MAF: variants seen among roughly 807,000 people sequenced by gnomAD.
The protein encoded by MAF is MAF bZIP transcription factor.
In MAF, 10 loss-of-function variants were observed where a neutral mutation model predicts 22.0. That is an observed-to-expected ratio of 0.45 (90% CI 0.28 to 0.77). The LOEUF is 0.77. MAF is among the 30% of genes least tolerant of loss of function. The pLI is 0.12. For missense variants in MAF, 544 were observed against 548.4 expected (o/e 0.99, Z 0.08); for synonymous variants, 337 against 255.8 (o/e 1.32, Z -3.03).
the MAF span, among the ~76,000 whole-genome samples, chr16:79,444,623 T>C: frequency 2.0e-5 from 3 of 152,168 alleles, no homozygotes; most frequent in Non-Finnish European, 4.4e-5. Context: ...TCGGGCCAGT[T>C]TTAGCATCAG....
chr16:79,414,614 A>C, the MAF span, among the ~76,000 whole-genome samples: 1 of 152,212 alleles, frequency 6.6e-6, no homozygotes, highest in African/African-American at 2.4e-5. Context: ...TGGGATACAG[A>C]GGTAAACAGA....
the MAF span, among the ~76,000 whole-genome samples, chr16:79,232,212 T>G: frequency 1.3e-5 from 2 of 152,052 alleles, no homozygotes; most frequent in African/African-American, 4.8e-5. Context: ...ATCCCTGATA[T>G]AGACAATATA....
the MAF span, among the ~76,000 whole-genome samples, chr16:79,566,956 C>T: frequency 1.3e-5 from 2 of 152,126 alleles, no homozygotes; most frequent in Admixed American, 1.3e-4. Flanking sequence ...TTTATAGAGT[C>T]CTGGAAGGTA....
At chr16:79,261,832 C>G in the MAF span, among the ~76,000 whole-genome samples, 64 of 152,268 alleles carry the variant, frequency 4.2e-4, no homozygotes, top group Non-Finnish European at 8.4e-4. Flanking sequence ...GGCCCTGAGT[C>G]CTTGGGGGCG....
the MAF span, among the ~76,000 whole-genome samples, chr16:79,459,346 T>G: frequency 6.6e-6 from 1 of 152,184 alleles, no homozygotes; most frequent in Non-Finnish European, 1.5e-5. Context: ...GGGGCTGGGG[T>G]GACTGCAGCG....
chr16:79,427,068 A>C, the MAF span, among the ~76,000 whole-genome samples: 2 of 152,264 alleles, frequency 1.3e-5, no homozygotes, highest in Non-Finnish European at 2.9e-5. Context: ...CGAAAAGTCC[A>C]GAGTGACGCT....
the MAF span, among the ~76,000 whole-genome samples, chr16:79,267,413 GGTGT>G: frequency 6.6e-6 from 1 of 152,168 alleles, no homozygotes; most frequent in East Asian, 1.9e-4. Flanking sequence ...GATTGTTTTA[GGTGT>G]GTGTGTGTAC....
At chr16:79,338,023 G>A in the MAF span, among the ~76,000 whole-genome samples, 2 of 152,148 alleles carry the variant, frequency 1.3e-5, no homozygotes, top group African/African-American at 2.4e-5. Flanking sequence ...CTTGGGAGAT[G>A]GAAATAAATA....
chr16:79,515,082 T>G, the MAF span, among the ~76,000 whole-genome samples: 5 of 152,190 alleles, frequency 3.3e-5, no homozygotes, highest in African/African-American at 1.2e-4. Context: ...ACAGAAAAAA[T>G]GTCTACCTCA....
At chr16:79,334,481 C>T in the MAF span, among the ~76,000 whole-genome samples, 6 of 152,110 alleles carry the variant, frequency 3.9e-5, no homozygotes, top group Non-Finnish European at 7.4e-5. Flanking sequence ...TGGAAATGTT[C>T]TATATCTTGA....
At chr16:79,285,323 T>C in the MAF span, among the ~76,000 whole-genome samples, 2 of 152,238 alleles carry the variant, frequency 1.3e-5, no homozygotes, top group Admixed American at 6.5e-5. Context: ...CCGCTTTCCT[T>C]AGGTCCATTC....
chr16:79,470,271 C>T, the MAF span, among the ~76,000 whole-genome samples: 2 of 152,222 alleles, frequency 1.3e-5, no homozygotes, highest in African/African-American at 4.8e-5. Flanking sequence ...AACACTTGCC[C>T]TGCTCGGATC....
the MAF span, among the ~76,000 whole-genome samples, chr16:79,496,606 T>C: frequency 6.6e-6 from 1 of 152,248 alleles, no homozygotes; most frequent in South Asian, 2.1e-4. Context: ...TTCATCTATA[T>C]AAATCGAGAA....
the MAF span, among the ~76,000 whole-genome samples, chr16:79,511,353 G>C: frequency 5.9e-5 from 9 of 152,128 alleles, no homozygotes; most frequent in Non-Finnish European, 1.0e-4. Context: ...TGTGATTTAA[G>C]AGAGAGAGAA....
chr16:79,408,209 C>A, the MAF span, among the ~76,000 whole-genome samples: 3 of 151,990 alleles, frequency 2.0e-5, no homozygotes, highest in Admixed American at 1.3e-4. Context: ...TGGACTCTCG[C>A]TCTGTCACCC....
chr16:79,241,718 A>G, the MAF span, among the ~76,000 whole-genome samples: 2 of 152,152 alleles, frequency 1.3e-5, no homozygotes, highest in South Asian at 2.1e-4. Context: ...CCTCGAGAAG[A>G]GCAACCCCAA....
chr16:79,325,112 T>C, the MAF span, among the ~76,000 whole-genome samples: 1 of 152,210 alleles, frequency 6.6e-6, no homozygotes, highest in African/African-American at 2.4e-5. Flanking sequence ...AGACCCTTAA[T>C]TTCATTATCT....
At chr16:79,494,863 C>A in the MAF span, among the ~76,000 whole-genome samples, 1 of 152,184 alleles carries the variant, frequency 6.6e-6, no homozygotes, top group Non-Finnish European at 1.5e-5. Flanking sequence ...GTTCCCAAGA[C>A]TCCCTCCTTG....
the MAF span, among the ~76,000 whole-genome samples, chr16:79,538,871 A>AAAAGAAAAG: frequency 1.3e-4 from 14 of 104,254 alleles, no homozygotes; most frequent in East Asian, 4.6e-4. Context: ...AAAAGAAAAG[A>AAAAGAAAAG]AAAGAAAGAA....
Sources: gnomAD v4.1 joint callset for allele counts (sites outside exome capture counted in the v4.1 genomes callset) on GRCh38, gnomAD v4.1.1 for gene constraint, MANE v1.5 for transcripts, NCBI Gene and HGNC (gene_info 2026-07-23, HGNC 2026-07-21) for gene names.